Variants in COPS3 observed in about 807,000 individuals in gnomAD.
COPS3 encodes the protein COP9 signalosome subunit 3.
Under a neutral mutation model 58.2 loss-of-function variants are expected in COPS3, and 10 were observed. The ratio of observed to expected loss-of-function variants is 0.17; its 90% confidence interval spans 0.11 to 0.29. COPS3 has a LOEUF of 0.29. Among genes scored for constraint, COPS3 ranks in the 10% least tolerant of loss-of-function variants. The probability of loss-of-function intolerance (pLI) is 1.00; values close to 1 mark genes in which losing one functional copy is unlikely to be tolerated. For missense variants in COPS3, 333 were observed against 510.1 expected (o/e 0.65, Z 3.34); for synonymous variants, 187 against 181.7 (o/e 1.03, Z -0.24).
At chr17:17,272,449 C>T (rs1167066349) in intron 2 of COPS3, among the ~76,000 whole-genome samples, 3 of 151,914 alleles carry the variant, frequency 2.0e-5, no homozygotes, top group African/African-American at 4.8e-5. Context: ...TATGTTTATA[C>T]AAATCCTGAA....
chr17:17,248,721 A>G (rs778533736), intron 10 of COPS3, among the ~76,000 whole-genome samples: 1 of 152,152 alleles, frequency 6.6e-6, no homozygotes, highest in Non-Finnish European at 1.5e-5. Context: ...CAGTGGCACA[A>G]TCTCGGCTCA....
intron 2 of COPS3, among the ~76,000 whole-genome samples, chr17:17,273,083 G>A (rs143139513): frequency 3.3e-5 from 5 of 152,270 alleles, no homozygotes; most frequent in African/African-American, 1.2e-4. Context: ...GGGATATTGT[G>A]GTTGTCATGA....
Position 17,269,813 on chromosome 17 carries a change from T to TG in COPS3, c.348+944dup, listed in dbSNP as rs1468531662. 1.1e-4 allele frequency among the ~76,000 whole-genome samples: 16 copies of TG among 152,286 alleles called. No individual in the cohort carries two copies. In the East Asian group the frequency reaches 2.1e-3, roughly 20 times the overall value. On this transcript the variant is annotated intron_variant, in intron 4 of 11. Coordinates refer to ENST00000268717, the MANE Select transcript of COPS3 (RefSeq NM_003653.4). ...TATAGCAAAAGACAGTCCTTTTCAC[T>TG]GGGGGAAAATCTAAATGGGGTCTGT...
rs1238315056 is a variant in COPS3 at position 17,267,994 on chromosome 17, C to T, written c.349-17G>A. The T allele has an allele frequency of 6.2e-7, 1 of 1,612,864 alleles. No individual in the cohort carries two copies. The highest frequency in any genetic ancestry group is 8.5e-7 in the Non-Finnish European group (1 of 1,179,484). On this transcript the variant is annotated splice_polypyrimidine_tract_variant and intron_variant, in intron 4 of 11. Coordinates refer to ENST00000268717, the MANE Select transcript of COPS3 (RefSeq NM_003653.4). ...TCGCAGGGGCTGTCAGAAATGACAT[C>T]TCTTTCAGATAAGTTCTCAAAGATG...
At chr17:17,271,205 G>C (rs954985302) in intron 2 of COPS3, among the ~76,000 whole-genome samples, 197 bp from the exon 3 acceptor site, 2 of 152,120 alleles carry the variant, frequency 1.3e-5, no homozygotes, top group Non-Finnish European at 2.9e-5. Context: ...TGAGGCAGGA[G>C]GACTGCTTAA....
chr17:17,256,731 G>A (rs915603150), intron 8 of COPS3, among the ~76,000 whole-genome samples: 1 of 152,126 alleles, frequency 6.6e-6, no homozygotes, highest in African/African-American at 2.4e-5. Context: ...GACTACAGGT[G>A]TGCACCACTG....
chr17:17,266,635 C>T (rs758633095), intron 5 of COPS3, among the ~76,000 whole-genome samples: 2 of 151,846 alleles, frequency 1.3e-5, no homozygotes, highest in East Asian at 2.0e-4. Context: ...CCCATCTCTA[C>T]TAAAAATACA....
chr17:17,264,090 T>C (rs1393258352), intron 6 of COPS3, among the ~76,000 whole-genome samples: 81 of 152,202 alleles, frequency 5.3e-4, no homozygotes. Context: ...TGTGGTATGG[T>C]TCAGAGCCAC....
chr17:17,280,364 C>T (rs1240418760), intron 1 of COPS3, among the ~76,000 whole-genome samples: 2 of 150,890 alleles, frequency 1.3e-5, no homozygotes, highest in African/African-American at 4.9e-5. Flanking sequence ...GACCGCGCCA[C>T]TGCACTCCAG....
chr17:17,260,802 C>CAA (rs374998521), intron 7 of COPS3: 3,049 of 89,720 alleles, frequency 0.034, 56 homozygotes, highest in South Asian at 0.088. Context: ...AACTCCGTCT[C>CAA]AAAAAAAAAA....
At chr17:17,262,932 G>C (rs886861506) in intron 6 of COPS3, among the ~76,000 whole-genome samples, 12 of 150,964 alleles carry the variant, frequency 7.9e-5, no homozygotes, top group African/African-American at 2.9e-4. Context: ...ACGAGTCTCT[G>C]TTACCCAGGC....
intron 2 of COPS3, 32 bp downstream of exon 2, chr17:17,276,003 A>G: frequency 1.3e-6 from 2 of 1,582,484 alleles, no homozygotes; most frequent in Non-Finnish European, 1.7e-6. Flanking sequence ...CATTTTAACA[A>G]GCACAGAACT....
chr17:17,276,010 A>G (rs2048453565), intron 2 of COPS3, 25 bp downstream of exon 2: 1 of 1,609,280 alleles, frequency 6.2e-7, no homozygotes, highest in Non-Finnish European at 8.5e-7. Context: ...ACAAGCACAG[A>G]ACTATAAAAG....
chr17:17,276,991 T>A (rs1307576196), intron 1 of COPS3, among the ~76,000 whole-genome samples: 2 of 152,212 alleles, frequency 1.3e-5, no homozygotes, highest in African/African-American at 4.8e-5. Flanking sequence ...CTTCAATAAC[T>A]GGTCCCTGCT....
At chr17:17,250,537 G>A (rs1254710038) in intron 9 of COPS3, among the ~76,000 whole-genome samples, 4 of 152,220 alleles carry the variant, frequency 2.6e-5, no homozygotes, top group Admixed American at 2.0e-4. Flanking sequence ...ACTATCTTCC[G>A]ATTCTTCAAG....
chr17:17,277,950 A>G (rs1334528700), intron 1 of COPS3, among the ~76,000 whole-genome samples: 1 of 152,154 alleles, frequency 6.6e-6, no homozygotes, highest in African/African-American at 2.4e-5. Flanking sequence ...GCTGGCCAAC[A>G]TGGTGAAACC....
Position 17,264,992 on chromosome 17 carries a change from A to G in COPS3, c.442-11T>C. The G allele has an allele frequency of 6.2e-7, 1 of 1,605,212 alleles. No homozygotes were observed. Among genetic ancestry groups the G allele is most frequent in the South Asian group, 1.1e-5 (1 of 89,544 alleles). On this transcript the variant is annotated splice_polypyrimidine_tract_variant and intron_variant, in intron 5 of 11. Transcript: ENST00000268717. ...TGCTAGCAAACAAAGCTGTGAACAAATTGATATTAAATCATCACTTTAATT... is the reference window on the plus strand; with the variant it reads ...TGCTAGCAAACAAAGCTGTGAACAAGTTGATATTAAATCATCACTTTAATT...
intron 8 of COPS3, among the ~76,000 whole-genome samples, chr17:17,258,855 A>G (rs867392015): frequency 1.3e-5 from 2 of 152,184 alleles, no homozygotes; most frequent in Non-Finnish European, 2.9e-5. Flanking sequence ...CTCTCATAAA[A>G]ATTAACTTTT....
chr17:17,251,582 C>T (rs907670210), intron 9 of COPS3, among the ~76,000 whole-genome samples: 19 of 152,024 alleles, frequency 1.2e-4, no homozygotes, highest in Non-Finnish European at 2.6e-4. Flanking sequence ...ACAGGCACCA[C>T]GCCCAGCCTG....
Sources: gnomAD v4.1 joint callset for allele counts (sites outside exome capture counted in the v4.1 genomes callset) on GRCh38, gnomAD v4.1.1 for gene constraint, MANE v1.5 for transcripts, NCBI Gene and HGNC (gene_info 2026-07-23, HGNC 2026-07-21) for gene names.